Variants in IGF2 observed in about 807,000 individuals in gnomAD.
IGF2 encodes insulin like growth factor 2, also known as insulin-like growth factor 2.
In IGF2, 2 loss-of-function variants were observed where a neutral mutation model predicts 12.0. The ratio of observed to expected loss-of-function variants is 0.17; its 90% CI spans 0.07 to 0.52. IGF2 has a LOEUF of 0.52. Among genes scored for constraint, IGF2 ranks in the 20% least tolerant of loss-of-function variants. The pLI, the probability that IGF2 is intolerant of heterozygous loss-of-function variation, is 0.95. For missense variants in IGF2, 211 were observed against 268.0 expected, an observed-to-expected ratio of 0.79 and a Z score of 1.48; for synonymous variants, 105 against 110.1, an observed-to-expected ratio of 0.95 and a Z score of 0.29.
rs3741214 is a variant in IGF2, at chr11:2,132,961, G to A, written c.*26C>T. 3.6e-4 allele frequency: 517 copies of A among 1,426,054 alleles called. 2 individuals are homozygous for A. In the South Asian group the frequency reaches 5.0e-3, roughly 14 times the overall value. 88.3% of individuals were successfully genotyped at this position (1,426,054 alleles called of 1,614,324 possible). On this transcript the variant is annotated 3_prime_UTR_variant, in exon 4 of 4. Coordinates refer to ENST00000416167, the MANE Select transcript of IGF2 (RefSeq NM_000612.6). ...GAGGAGGCTGCAGGATGGTGGCGCC[G>A]GGCTGCAGACTTGCGGCAGTTTTGC...
chr11:2,140,056 G>A, upstream of IGF2: 3 of 1,411,056 alleles, frequency 2.1e-6, no homozygotes, highest in Non-Finnish European at 2.9e-6. Flanking sequence ...GGCCGAATCT[G>A]GGCCAGGCTT....
chr11:2,147,806 C>T, the IGF2 span: 2 of 1,247,302 alleles, frequency 1.6e-6, no homozygotes, highest in South Asian at 8.2e-5. The surrounding 1 kb of genome is among the most constrained non-coding windows in gnomAD (Gnocchi z 7.2). Flanking sequence ...ACTCTTCGGC[C>T]CCTGGGGAAA....
At position 2,133,485 on chromosome 11, in the gene IGF2, TAG is replaced by T; in HGVS notation, c.306+30_306+31del. ...GCCCGAAGCCCTATTTCTCTGTCTC[TAG>T]AGAGTGGGAAAGGGGCCCAGGACCC... On this transcript the variant is annotated intron_variant, in intron 3 of 3. Transcript: ENST00000416167. The surrounding 1 kb of genome is among the most constrained non-coding windows in gnomAD (Gnocchi z 8.9). The T allele has an allele frequency of 6.3e-7, 1 of 1,597,754 alleles. No individual in the cohort carries two copies. Among genetic ancestry groups the T allele is most frequent in the Non-Finnish European group, 8.5e-7 (1 of 1,172,548 alleles).
chr11:2,134,387 C>T (rs1858842756), intron 2 of IGF2, among the ~76,000 whole-genome samples: 2 of 152,244 alleles, frequency 1.3e-5, no homozygotes, highest in African/African-American at 4.8e-5. Context: ...AAGCTTCTCC[C>T]TGGGCAAGGA....
Position 2,133,063 on chromosome 11 carries a change from C to T in IGF2, c.467G>A (p.Arg156His), listed in dbSNP as rs61732764. The change falls in exon 4 of 4, where the codon CGT (arginine) becomes CAT (histidine). Residue 156 changes from arginine (R) to histidine (H), a missense_variant. Coordinates refer to ENST00000416167, the MANE Select transcript of IGF2 (RefSeq NM_000612.6). The surrounding 1 kb of genome is among the most constrained non-coding windows in gnomAD (Gnocchi z 8.9). ...TTGGGTGGGTAGAGCAATCAGGGGA[C>T]GGTGACGTTTGGCCTCCCTGAACGC... ...LEAFREAKRH[R>H]PLIALPTQDP... 2.0e-3 allele frequency: 3,245 copies of T among 1,604,884 alleles called. 57 individuals carry two copies. The African/African-American group carries it at 0.034, about 17-fold the overall frequency.
the IGF2 span, chr11:2,149,199 C>G: frequency 5.3e-5 from 86 of 1,613,388 alleles, 1 homozygote; most frequent in South Asian, 9.1e-4. Flanking sequence ...TCACTGGTGC[C>G]CAAGGCTCTC....
chr11:2,132,185 A>G lies in IGF2; in HGVS notation c.*802T>C. The G allele has an allele frequency of 4.8e-6, 1 of 206,518 alleles. No individual in the cohort carries two copies. The highest frequency in any genetic ancestry group is 9.9e-6 in the Non-Finnish European group (1 of 101,110). The allele number at this position is 206,518 out of a possible 1,614,324, so 12.8% of individuals were successfully genotyped here. On this transcript the variant is annotated 3_prime_UTR_variant, in exon 4 of 4. Transcript: ENST00000416167. Reference sequence around the variant, plus strand: ...AGATTTGGGGGTGAGGGTCGTGCCAATTACATTTCATTTGCATGGATTTTG... The same window carrying G: ...AGATTTGGGGGTGAGGGTCGTGCCAGTTACATTTCATTTGCATGGATTTTG...
intron 1 of IGF2, chr11:2,137,358 C>A: frequency 1.7e-6 from 1 of 583,736 alleles, no homozygotes; most frequent in Non-Finnish European, 2.2e-6. Context: ...ACCCTACCCC[C>A]CACCCCTCTC....
chr11:2,149,230 T>C, the IGF2 span: 5 of 1,613,440 alleles, frequency 3.1e-6, no homozygotes, highest in Admixed American at 6.7e-5. Context: ...GCCTGGACGA[T>C]GATCCGCCGG....
intron 1 of IGF2, among the ~76,000 whole-genome samples, 178 bp downstream of exon 1, chr11:2,138,051 G>C: frequency 6.6e-6 from 1 of 151,882 alleles, no homozygotes; most frequent in Non-Finnish European, 1.5e-5. Context: ...TCCGCGCAGG[G>C]AACGGGACCC....
At chr11:2,145,372 G>A (rs557571119), upstream of IGF2, among the ~76,000 whole-genome samples, 5 of 152,226 alleles carry the variant, frequency 3.3e-5, no homozygotes, top group Admixed American at 6.5e-5. Context: ...CGAGGCTCCC[G>A]TCATGGACAA....
chr11:2,133,119 G>T lies in IGF2; in HGVS notation c.411C>A (p.Arg137=). 6.2e-7 allele frequency: 1 copy of T among 1,607,072 alleles called. No homozygotes were observed. ...GCTCCTTGGCGAGCACGTGACCCCG[G>T]CGGGCACGCAGGAGGGCAGGCAGGC... is the stretch of plus-strand genomic sequence containing the variant. The part of the protein sequence containing the change: ...RRGLPALLRA[R]RGHVLAKELE... Residue 137 remains arginine (R), a synonymous_variant, in exon 4 of 4, where the codon CGC becomes CGA. Coordinates refer to ENST00000416167, the MANE Select transcript of IGF2 (RefSeq NM_000612.6). The surrounding 1 kb of genome is among the most constrained non-coding windows in gnomAD (Gnocchi z 8.9).
Position 2,138,382 on chromosome 11 carries a change from T to A in IGF2, c.-160A>T, listed in dbSNP as rs1859248733. 1.6e-6 allele frequency: 1 copy of A among 627,432 alleles called. No homozygotes were observed. The highest frequency in any genetic ancestry group is 1.9e-6 in the Non-Finnish European group (1 of 516,426). The allele number at this position is 627,432 out of a possible 1,614,324, so 38.9% of individuals were successfully genotyped here. ...GACGGGGCAGAGCGGGGGGATGGCT[T>A]TTTTTTGGGGGGGGGGGGAGAATTC... On this transcript the variant is annotated 5_prime_UTR_variant, in exon 1 of 4. Coordinates refer to ENST00000416167, the MANE Select transcript of IGF2 (RefSeq NM_000612.6).
At position 2,130,987 on chromosome 11, in the gene IGF2, G is replaced by A. The variant is rs1005333588; in HGVS notation, c.*2000C>T. On this transcript the variant is annotated 3_prime_UTR_variant, in exon 4 of 4. Transcript: ENST00000416167. ...GTGGGGGCATGTCTGCTCAGCTACC[G>A]CCATCTCCAATGTGGCCAAACTCCT... 7.5e-5 allele frequency: 17 copies of A among 225,578 alleles called. No homozygotes were observed. The highest frequency in any genetic ancestry group is 3.4e-4 in the Admixed American group (6 of 17,504). 14.0% of individuals were successfully genotyped at this position (225,578 alleles called of 1,614,324 possible).
At position 2,138,602 on chromosome 11, in the gene IGF2, G is replaced by T. The variant is rs1392006199; in HGVS notation, c.-380C>A. 3.1e-6 allele frequency: 3 copies of T among 973,212 alleles called. No individual in the cohort carries two copies. Among genetic ancestry groups the T allele is most frequent in the African/African-American group, 3.5e-5 (2 of 56,536 alleles). The allele number at this position is 973,212 out of a possible 1,614,324, so 60.3% of individuals were successfully genotyped here. A position where few individuals can be genotyped will look rare whatever the true frequency, so the allele number is the denominator to read the frequency against. ...GAGGGCGAGGGGGAGAGAGGACAGCGAGAGGCGGGCAGGCGCACAGCGGGA... is the reference window on the plus strand; with the variant it reads ...GAGGGCGAGGGGGAGAGAGGACAGCTAGAGGCGGGCAGGCGCACAGCGGGA... On this transcript the variant is annotated 5_prime_UTR_variant, in exon 1 of 4. Transcript: ENST00000416167.
At chr11:2,143,906 C>G (rs921950598), upstream of IGF2, among the ~76,000 whole-genome samples, 7 of 152,216 alleles carry the variant, frequency 4.6e-5, no homozygotes, top group Non-Finnish European at 8.8e-5. Context: ...TCAAGCTTCC[C>G]GGGCAGCGGA....
chr11:2,139,862 C>A (rs1042469737), upstream of IGF2, among the ~76,000 whole-genome samples: 2 of 151,864 alleles, frequency 1.3e-5, no homozygotes, highest in South Asian at 2.1e-4. Context: ...GGGGTCCTTG[C>A]TGGTTGTTGC....
chr11:2,142,570 G>A (rs1382514752), upstream of IGF2, among the ~76,000 whole-genome samples: 1 of 152,232 alleles, frequency 6.6e-6, no homozygotes, highest in South Asian at 2.1e-4. This position sits in a 1 kb window ranked among gnomAD's most constrained non-coding sequence, Gnocchi z 5.7. Context: ...AGAGGGCCTG[G>A]AGGGCAGCGT....
Position 2,130,840 on chromosome 11 carries a change from C to T in IGF2, c.*2147G>A, listed in dbSNP as rs981845431. The T allele has an allele frequency of 6.1e-5, 12 of 197,280 alleles. No individual in the cohort carries two copies. The South Asian group carries it at 7.8e-4, about 13-fold the overall frequency. 12.2% of individuals were successfully genotyped at this position (197,280 alleles called of 1,614,324 possible). A position where few individuals can be genotyped will look rare whatever the true frequency, so the allele number is the denominator to read the frequency against. Reference sequence around the variant, plus strand: ...ACTCCCCGCATCAGTGCACGGCCCCCGAGGACTCCACATTTCTTGGGGGGT... The same window carrying T: ...ACTCCCCGCATCAGTGCACGGCCCCTGAGGACTCCACATTTCTTGGGGGGT... On this transcript the variant is annotated 3_prime_UTR_variant, in exon 4 of 4. Transcript: ENST00000416167.
Sources: gnomAD v4.1 joint callset for allele counts (sites outside exome capture counted in the v4.1 genomes callset) on GRCh38, gnomAD v4.1.1 for gene constraint, Gnocchi (gnomAD v3.1) non-coding constraint, MANE v1.5 for transcripts, NCBI Gene and HGNC (gene_info 2026-07-23, HGNC 2026-07-21) for gene names.